The following SH3D19 variants were observed in gnomAD, a reference collection of about 807,000 sequenced individuals.
SH3D19 encodes the protein SH3 domain containing 19.
SH3D19 carries 58 observed loss-of-function variants against 112.1 expected under a neutral mutation model. The observed-to-expected ratio is 0.52, with a 90% confidence interval of 0.42 to 0.64. The LOEUF is 0.64. Among genes scored for constraint, SH3D19 ranks in the 30% least tolerant of loss-of-function variants. The pLI, the probability that SH3D19 is intolerant of heterozygous loss-of-function variation, is 0.00. For synonymous variants in SH3D19, 391 were observed against 448.5 expected, an observed-to-expected ratio of 0.87 and a Z score of 1.62; for missense variants, 1,090 against 1,263.4, an observed-to-expected ratio of 0.86 and a Z score of 2.08.
intron 1 of SH3D19, among the ~76,000 whole-genome samples, chr4:151,258,480 C>A (rs539035822): frequency 1.5e-4 from 23 of 152,338 alleles, no homozygotes; most frequent in African/African-American, 5.3e-4. Flanking sequence ...TGAGATGTGG[C>A]AGTTTAGGCA....
chr4:151,142,289 T>A (rs1356227777), intron 12 of SH3D19, among the ~76,000 whole-genome samples: 2 of 152,194 alleles, frequency 1.3e-5, no homozygotes, highest in African/African-American at 4.8e-5. Flanking sequence ...GGCTGTAGCA[T>A]ATTCATAGAA....
chr4:151,283,464 A>G (rs918485765), intron 1 of SH3D19, among the ~76,000 whole-genome samples: 1 of 151,466 alleles, frequency 6.6e-6, no homozygotes, highest in East Asian at 1.9e-4. Flanking sequence ...TTCTTCAACT[A>G]TAAGACTATT....
intron 1 of SH3D19, among the ~76,000 whole-genome samples, chr4:151,266,708 A>G (rs1304042652): frequency 1.3e-5 from 2 of 152,196 alleles, no homozygotes; most frequent in African/African-American, 4.8e-5. Flanking sequence ...GATTGAGATT[A>G]CTTGAGTCAA....
At chr4:151,294,434 A>G (rs541287808) in intron 1 of SH3D19, among the ~76,000 whole-genome samples, 1 of 152,380 alleles carries the variant, frequency 6.6e-6, no homozygotes, top group South Asian at 2.1e-4. Flanking sequence ...GCAACTGCAA[A>G]AAAAGGAATA....
intron 2 of SH3D19, among the ~76,000 whole-genome samples, chr4:151,200,668 GTAA>G (rs1417951619): frequency 6.6e-6 from 1 of 152,176 alleles, no homozygotes; most frequent in Non-Finnish European, 1.5e-5. Flanking sequence ...GAAAATGTTA[GTAA>G]TAATGCACGT....
intron 1 of SH3D19, among the ~76,000 whole-genome samples, chr4:151,304,943 T>C (rs1561447731): frequency 6.6e-6 from 1 of 152,192 alleles, no homozygotes; most frequent in Admixed American, 6.5e-5. Context: ...TGGGAGGTTC[T>C]TTTTGGTTCT....
chr4:151,306,577 C>T (rs530221694), intron 1 of SH3D19, among the ~76,000 whole-genome samples: 10 of 152,174 alleles, frequency 6.6e-5, no homozygotes, highest in South Asian at 2.1e-4. Flanking sequence ...GAATTAAAAC[C>T]CCAATTCTTC....
chr4:151,225,735 A>G (rs1561377600), intron 2 of SH3D19, among the ~76,000 whole-genome samples: 1 of 152,204 alleles, frequency 6.6e-6, no homozygotes, highest in East Asian at 1.9e-4. Context: ...ACACACTTAC[A>G]AAAATACTGG....
chr4:151,307,448 C>T (rs954675099), intron 1 of SH3D19, among the ~76,000 whole-genome samples: 1 of 152,250 alleles, frequency 6.6e-6, no homozygotes, highest in Non-Finnish European at 1.5e-5. Context: ...CAAGGTGGCG[C>T]AGCCCTCGTG....
intron 1 of SH3D19, among the ~76,000 whole-genome samples, chr4:151,268,602 C>A (rs1396285839): frequency 5.5e-5 from 7 of 127,658 alleles, no homozygotes; most frequent in Non-Finnish European, 9.8e-5. Flanking sequence ...CCCCCCACCC[C>A]ACAACAGTCC....
chr4:151,308,191 C>T (rs2126357844), intron 1 of SH3D19, among the ~76,000 whole-genome samples: 1 of 152,320 alleles, frequency 6.6e-6, no homozygotes, highest in Non-Finnish European at 1.5e-5. Flanking sequence ...CAAGCATGAG[C>T]CACCATGCCC....
At chr4:151,240,501 C>T (rs1205699803) in intron 1 of SH3D19, among the ~76,000 whole-genome samples, 1 of 151,658 alleles carries the variant, frequency 6.6e-6, no homozygotes, top group Non-Finnish European at 1.5e-5. Context: ...CTCAGTCTCA[C>T]CATTGACCAG....
In SH3D19 at chr4:151,145,911, A is replaced by G. The variant is rs114303371; in HGVS notation, c.2083-1861T>C. On this transcript the variant is annotated intron_variant, in intron 11 of 19. Transcript: ENST00000604030. Reference sequence around the variant, plus strand: ...ATAATATCTACCTCACAAGGTTGGTATGAGGAATAAATGAGTTATTTAATA... The same window carrying G: ...ATAATATCTACCTCACAAGGTTGGTGTGAGGAATAAATGAGTTATTTAATA... Among the ~76,000 whole-genome samples, 386 of 152,354 alleles carry G rather than the reference A, an allele frequency of 2.5e-3. 1 individual carries two copies. The highest frequency in any genetic ancestry group is 9.0e-3 in the African/African-American group (374 of 41,582).
At chr4:151,279,866 G>GCAGGT (rs77216366) in intron 1 of SH3D19, 648,754 of 1,612,872 alleles carry the variant, frequency 0.4, 138,436 homozygotes, top group Non-Finnish European at 0.45. Context: ...GCTGGCCTTG[G>GCAGGT]CAGGTCAGCC....
rs201239876 is a variant in SH3D19, at chr4:151,275,861, T to TTG, written c.112+49379_112+49380insCA. Among the ~76,000 whole-genome samples, 1,133 of 132,312 alleles carry TTG rather than the reference T, an allele frequency of 8.6e-3. 16 individuals are homozygous for TTG. The highest frequency in any genetic ancestry group is 0.024 in the African/African-American group (892 of 36,832). 86.8% of individuals were successfully genotyped at this position (132,312 alleles called of 152,430 possible). The stretch of plus-strand genomic sequence containing the variant: ...ATTATTATTATTATTTTTTTTTTTT[T>TTG]AGACGGAGTCTCGCTCTGTCGCCCA... On this transcript the variant is annotated intron_variant, in intron 1 of 19. Coordinates refer to ENST00000604030, the MANE Select transcript of SH3D19 (RefSeq NM_001378122.1).
chr4:151,157,284 T>C (rs1476295239), intron 9 of SH3D19, among the ~76,000 whole-genome samples: 1 of 151,034 alleles, frequency 6.6e-6, no homozygotes. Flanking sequence ...GCAAATGATC[T>C]GGGTATTTCT....
chr4:151,245,861 A>T (rs557127855), intron 1 of SH3D19, among the ~76,000 whole-genome samples: 1 of 152,178 alleles, frequency 6.6e-6, no homozygotes, highest in Non-Finnish European at 1.5e-5. Context: ...TTGGCCTCCC[A>T]AAGTGCTGGG....
chr4:151,216,877 CTGTGTG>C (rs34575245), intron 2 of SH3D19, among the ~76,000 whole-genome samples: 5,388 of 140,794 alleles, frequency 0.038, 123 homozygotes, highest in African/African-American at 0.058. Context: ...CAAAACAACA[CTGTGTG>C]TGTGTGTGTG....
At chr4:151,139,625 T>C (rs1483820384) in intron 13 of SH3D19, 150 bp downstream of exon 13, 13 of 637,280 alleles carry the variant, frequency 2.0e-5, no homozygotes, top group Non-Finnish European at 3.0e-5. Flanking sequence ...CTTCTTGAAG[T>C]GGAGTCCTGG....
Sources: gnomAD v4.1 joint callset for allele counts (sites outside exome capture counted in the v4.1 genomes callset) on GRCh38, gnomAD v4.1.1 for gene constraint, MANE v1.5 for transcripts, NCBI Gene and HGNC (gene_info 2026-07-23, HGNC 2026-07-21) for gene names.